Variants in CACNB2 observed in about 807,000 individuals in gnomAD.
CACNB2 encodes the protein voltage-dependent L-type calcium channel subunit beta-2.
Under a neutral mutation model 73.3 loss-of-function variants are expected in CACNB2, and 42 were observed. The observed-to-expected ratio is 0.57, with a 90% confidence interval of 0.45 to 0.74. The LOEUF is 0.74. CACNB2 is among the 30% of genes least tolerant of loss of function. The pLI, the probability that CACNB2 is intolerant of heterozygous loss-of-function variation, is 0.00. For missense variants in CACNB2, 940 were observed against 853.0 expected, an observed-to-expected ratio of 1.10 and a Z score of -1.27; for synonymous variants, 348 against 310.3, an observed-to-expected ratio of 1.12 and a Z score of -1.28.
chr10:18,478,265 C>T (rs912490631), intron 3 of CACNB2, among the ~76,000 whole-genome samples: 1 of 152,158 alleles, frequency 6.6e-6, no homozygotes, highest in Admixed American at 6.6e-5. Flanking sequence ...AGTGCTTCCT[C>T]TTCTATTTCC....
At chr10:18,179,740 A>C (rs1210253016) in intron 2 of CACNB2, among the ~76,000 whole-genome samples, 1 of 152,134 alleles carries the variant, frequency 6.6e-6, no homozygotes, top group African/African-American at 2.4e-5. Context: ...AAACACGTGC[A>C]TGCCAATATT....
In CACNB2 at chr10:18,383,902, C is replaced by T. The variant is rs373913737; in HGVS notation, c.214-18022C>T. On this transcript the variant is annotated intron_variant, in intron 2 of 13. Transcript: ENST00000324631. ...TGTATTTTTAGTAGAGATGGGATTT[C>T]ACTATGTTGGTCAAGCTGGTCTCAA... Among the ~76,000 whole-genome samples, 9 of 152,050 alleles carry T rather than the reference C, an allele frequency of 5.9e-5. No individual in the cohort carries two copies. In the South Asian group the frequency reaches 1.2e-3, roughly 21 times the overall value.
intron 3 of CACNB2, among the ~76,000 whole-genome samples, chr10:18,474,046 T>C (rs1193548890): frequency 6.6e-6 from 1 of 152,200 alleles, no homozygotes; most frequent in Non-Finnish European, 1.5e-5. Context: ...CTCTAATAGT[T>C]AAGATGATGG....
chr10:18,432,114 A>G (rs2045917955), intron 3 of CACNB2, among the ~76,000 whole-genome samples: 1 of 152,186 alleles, frequency 6.6e-6, no homozygotes, highest in South Asian at 2.1e-4. Context: ...TTAGAAATAG[A>G]GATGGTGCTT....
At chr10:18,160,318 C>T (rs970638826) in intron 2 of CACNB2, among the ~76,000 whole-genome samples, 4 of 151,918 alleles carry the variant, frequency 2.6e-5, no homozygotes, top group East Asian at 3.9e-4. Context: ...TTTATGTTTG[C>T]GTATATACTT....
chr10:18,401,098 T>C, intron 2 of CACNB2: 1 of 1,614,208 alleles, frequency 6.2e-7, no homozygotes, highest in Non-Finnish European at 8.5e-7. Context: ...TTCTGATATC[T>C]GTGTAAGCGC....
At chr10:18,298,499 C>G (rs561406366) in intron 2 of CACNB2, among the ~76,000 whole-genome samples, 140 of 152,266 alleles carry the variant, frequency 9.2e-4, no homozygotes, top group Non-Finnish European at 1.8e-3. Context: ...CAGGTGAGGC[C>G]GTAAGGGCCC....
Position 18,240,504 on chromosome 10 carries a change from A to G in CACNB2, c.213+89529A>G, listed in dbSNP as rs555460492. 2.6e-5 allele frequency among the ~76,000 whole-genome samples: 4 copies of G among 152,320 alleles called. No homozygotes were observed. In the South Asian group the frequency reaches 6.2e-4, roughly 24 times the overall value. On this transcript the variant is annotated intron_variant, in intron 2 of 13. Transcript: ENST00000324631. The stretch of plus-strand genomic sequence containing the variant: ...CCAGGTCGCTCACTATTAATCTTTT[A>G]GCTGGGGAAAGAACAAATCCAACTT...
intron 12 of CACNB2, among the ~76,000 whole-genome samples, chr10:18,537,137 G>A (rs539593714): frequency 8.8e-4 from 134 of 152,058 alleles, no homozygotes; most frequent in Middle Eastern, 3.4e-3. Flanking sequence ...ACAGGCAAAC[G>A]CCACCATGCC....
intron 2 of CACNB2, among the ~76,000 whole-genome samples, chr10:18,365,886 C>G (rs1286879112): frequency 6.6e-6 from 1 of 152,172 alleles, no homozygotes; most frequent in Non-Finnish European, 1.5e-5. Context: ...ATAGAACTAT[C>G]TTTGTTGAGG....
chr10:18,362,807 C>T, intron 2 of CACNB2, among the ~76,000 whole-genome samples: 1 of 152,046 alleles, frequency 6.6e-6, no homozygotes, highest in South Asian at 2.1e-4. Context: ...ACTTGGGAGG[C>T]TGAGGAGAGA....
intron 3 of CACNB2, among the ~76,000 whole-genome samples, chr10:18,462,986 T>A (rs2047665170): frequency 6.6e-6 from 1 of 152,138 alleles, no homozygotes; most frequent in Non-Finnish European, 1.5e-5. Flanking sequence ...CTCGAACTCC[T>A]GACCTCATGG....
chr10:18,309,338 C>A (rs1390282823), intron 2 of CACNB2, among the ~76,000 whole-genome samples: 1 of 152,154 alleles, frequency 6.6e-6, no homozygotes, highest in African/African-American at 2.4e-5. Flanking sequence ...TACACTGAAG[C>A]CGGAGCTTGA....
chr10:18,365,431 C>T (rs770540662), intron 2 of CACNB2, among the ~76,000 whole-genome samples: 2 of 152,152 alleles, frequency 1.3e-5, no homozygotes, highest in Non-Finnish European at 2.9e-5. Flanking sequence ...GCGATTTGGA[C>T]TCTTACATTC....
intron 2 of CACNB2, among the ~76,000 whole-genome samples, chr10:18,222,592 A>G (rs1857005426): frequency 6.6e-6 from 1 of 152,298 alleles, no homozygotes; most frequent in Non-Finnish European, 1.5e-5. Flanking sequence ...TGAGATATTC[A>G]TGGATGACAT....
chr10:18,469,076 T>A (rs993026801), intron 3 of CACNB2, among the ~76,000 whole-genome samples: 1 of 152,178 alleles, frequency 6.6e-6, no homozygotes, highest in Admixed American at 6.5e-5. Context: ...AGCGAGACCC[T>A]GTCTCTACAA....
chr10:18,493,256 C>T (rs1564614393), intron 3 of CACNB2, among the ~76,000 whole-genome samples: 1 of 152,184 alleles, frequency 6.6e-6, no homozygotes, highest in Non-Finnish European at 1.5e-5. Flanking sequence ...GCAGCCTCCG[C>T]CTCCTAGGTT....
chr10:18,468,869 G>A (rs750204071), intron 3 of CACNB2, among the ~76,000 whole-genome samples: 39 of 152,174 alleles, frequency 2.6e-4, no homozygotes, highest in African/African-American at 4.3e-4. Context: ...AAAGTGCTGG[G>A]ATTACAGGCA....
At chr10:18,317,045 A>C (rs886850546) in intron 2 of CACNB2, among the ~76,000 whole-genome samples, 2 of 152,130 alleles carry the variant, frequency 1.3e-5, no homozygotes, top group African/African-American at 4.8e-5. Context: ...AATTGAAAGG[A>C]AACACATTCT....
Sources: allele counts gnomAD v4.1 joint callset (sites outside exome capture counted in the v4.1 genomes callset), GRCh38; gene constraint gnomAD v4.1.1; transcripts MANE v1.5; gene names NCBI Gene and HGNC (gene_info 2026-07-23, HGNC 2026-07-21).